Variants in ADGRV1 observed in about 807,000 individuals in gnomAD.
ADGRV1 encodes G-protein coupled receptor 98.
In ADGRV1, 359 loss-of-function variants were observed where a neutral mutation model predicts 596.2. That is an observed-to-expected ratio of 0.60 (90% confidence interval 0.55 to 0.66). The LOEUF (loss-of-function observed/expected upper bound fraction) is 0.66, where lower values mean the gene tolerates loss of function less well. Among genes scored for constraint, ADGRV1 ranks in the 30% least tolerant of loss-of-function variants. ADGRV1 has a pLI of 0.00. For missense variants in ADGRV1, 7,274 were observed against 7,575.6 expected (o/e 0.96, Z 1.48); for synonymous variants, 2,681 against 2,679.2 (o/e 1.00, Z -0.02).
At chr5:91,058,406 C>T (rs931726962) in intron 85 of ADGRV1, among the ~76,000 whole-genome samples, 2 of 151,824 alleles carry the variant, frequency 1.3e-5, no homozygotes, top group African/African-American at 4.8e-5. Flanking sequence ...ATCCAGAATG[C>T]AGGCTTTGAA....
intron 86 of ADGRV1, among the ~76,000 whole-genome samples, chr5:91,086,334 G>T (rs528580746): frequency 6.6e-6 from 1 of 152,260 alleles, no homozygotes; most frequent in South Asian, 2.1e-4. Flanking sequence ...AAGATGTACA[G>T]ATATTGTCAT....
In ADGRV1 at chr5:90,745,793, C is replaced by T. The variant is rs1754559510; in HGVS notation, c.10972C>T (p.Gln3658Ter). Residue 3658 changes from glutamine (Q) to a stop codon, truncating the protein, a stop_gained and splice_region_variant, in exon 52 of 90, where the codon CAG becomes TAG. Transcript: ENST00000405460. LOFTEE classifies it high-confidence loss of function. ...DDAYGIVAFAQNSLYKQVEEM... is the reference protein window; with the variant it reads ...DDAYGIVAFA ...TGCCTATGGAATTGTTGCATTTGCTCAGGTAATGATACTGAAGACCCCACA... is the reference window on the plus strand; with the variant it reads ...TGCCTATGGAATTGTTGCATTTGCTTAGGTAATGATACTGAAGACCCCACA... The T allele has an allele frequency of 1.3e-6, 2 of 1,571,026 alleles. No individual in the cohort carries two copies. The highest frequency in any genetic ancestry group is 1.3e-5 in the African/African-American group (1 of 74,264).
At chr5:90,853,095 T>G (rs1383550517) in intron 79 of ADGRV1, among the ~76,000 whole-genome samples, 189 bp from the exon 80 acceptor site, 1 of 152,226 alleles carries the variant, frequency 6.6e-6, no homozygotes, top group Non-Finnish European at 1.5e-5. Flanking sequence ...CAGAAAATTC[T>G]GTGCAAAAAA....
At chr5:91,001,996 T>C (rs766918616) in intron 85 of ADGRV1, among the ~76,000 whole-genome samples, 11 of 152,216 alleles carry the variant, frequency 7.2e-5, no homozygotes, top group Non-Finnish European at 1.2e-4. Context: ...AAATATGATA[T>C]TGTTTTTTCT....
At chr5:91,006,621 A>G (rs1405841630) in intron 85 of ADGRV1, among the ~76,000 whole-genome samples, 1 of 152,184 alleles carries the variant, frequency 6.6e-6, no homozygotes, top group Non-Finnish European at 1.5e-5. Context: ...ATACTCATAG[A>G]TGTTCTCACT....
intron 26 of ADGRV1, among the ~76,000 whole-genome samples, chr5:90,680,529 AG>A (rs1561513953): frequency 1.3e-5 from 2 of 152,152 alleles, no homozygotes; most frequent in Non-Finnish European, 2.9e-5. Flanking sequence ...ATATATGAAA[AG>A]CATACTTAGA....
chr5:90,602,812 T>C (rs539587857), intron 1 of ADGRV1, among the ~76,000 whole-genome samples: 4 of 152,240 alleles, frequency 2.6e-5, no homozygotes, highest in African/African-American at 9.7e-5. Flanking sequence ...GTTTTAGAAA[T>C]GATTAATAGA....
chr5:90,628,943 C>T (rs1410621831), intron 8 of ADGRV1, 111 bp downstream of exon 8: 40 of 998,858 alleles, frequency 4.0e-5, no homozygotes, highest in Non-Finnish European at 5.7e-5. Flanking sequence ...ACAGGAAAAA[C>T]ACTGGCTTTG....
chr5:90,663,716 G>C (rs1770797367), intron 21 of ADGRV1, among the ~76,000 whole-genome samples: 2 of 152,138 alleles, frequency 1.3e-5, no homozygotes, highest in Admixed American at 1.3e-4. Flanking sequence ...GTAATGCCTA[G>C]GTTTTCTTCA....
chr5:90,882,214 T>C (rs1014330994), intron 83 of ADGRV1, among the ~76,000 whole-genome samples: 60 of 152,356 alleles, frequency 3.9e-4, no homozygotes, highest in Non-Finnish European at 4.0e-4. Flanking sequence ...ACTATAATTA[T>C]TTTAAAAGAC....
At chr5:90,888,435 C>T (rs1310661431) in intron 83 of ADGRV1, among the ~76,000 whole-genome samples, 1 of 151,906 alleles carries the variant, frequency 6.6e-6, no homozygotes, top group Non-Finnish European at 1.5e-5. Flanking sequence ...AAATTGGTAA[C>T]TAAAATATAA....
chr5:90,743,279 T>G (rs536123697), intron 50 of ADGRV1, among the ~76,000 whole-genome samples: 1 of 152,288 alleles, frequency 6.6e-6, no homozygotes, highest in East Asian at 1.9e-4. Context: ...GCCTTAACTT[T>G]TTATGCAACG....
At chr5:90,560,613 GA>G (rs138955895) in intron 1 of ADGRV1, among the ~76,000 whole-genome samples, 6,270 of 152,140 alleles carry the variant, frequency 0.041, 374 homozygotes, top group African/African-American at 0.14. Flanking sequence ...CCTATAAACT[GA>G]AGTAATCTTG....
chr5:90,939,194 T>TA (rs1336162422), intron 83 of ADGRV1, among the ~76,000 whole-genome samples: 1 of 152,166 alleles, frequency 6.6e-6, no homozygotes, highest in Non-Finnish European at 1.5e-5. Flanking sequence ...ACCTCAAAGT[T>TA]ACATTTTAAA....
rs1277958766 is a variant in ADGRV1 at position 90,558,882 on chromosome 5, C to T, written c.-14C>T. On this transcript the variant is annotated 5_prime_UTR_variant, in exon 1 of 90. Transcript: ENST00000405460. ...GTGTGTGGAGGGCCGGCGGGGACCG[C>T]CGGGAGCGCGCGGATGTCGGTGTTC... is the stretch of plus-strand genomic sequence containing the variant. The T allele has an allele frequency of 1.3e-6, 2 of 1,559,644 alleles. No homozygotes were observed. The highest frequency in any genetic ancestry group is 1.7e-6 in the Non-Finnish European group (2 of 1,151,284).
intron 62 of ADGRV1, 54 bp from the exon 63 acceptor site, chr5:90,778,373 T>A: frequency 6.8e-7 from 1 of 1,473,972 alleles, no homozygotes; most frequent in Non-Finnish European, 9.4e-7. Flanking sequence ...AGGTTAGGAG[T>A]TTTTCTTGAA....
intron 85 of ADGRV1, among the ~76,000 whole-genome samples, chr5:91,015,762 G>A (rs1783123528): frequency 6.6e-6 from 1 of 151,926 alleles, no homozygotes; most frequent in Non-Finnish European, 1.5e-5. Context: ...TCTATTTTGA[G>A]CCAATGGGTG....
intron 85 of ADGRV1, among the ~76,000 whole-genome samples, chr5:91,061,122 C>A (rs1277054192): frequency 2.0e-5 from 3 of 152,100 alleles, no homozygotes; most frequent in South Asian, 4.1e-4. Context: ...CTTTTTGGAG[C>A]AAGAGGTAAG....
intron 34 of ADGRV1, among the ~76,000 whole-genome samples, chr5:90,702,667 ATGTT>A (rs1748056861): frequency 1.3e-5 from 2 of 152,004 alleles, no homozygotes; most frequent in Admixed American, 1.3e-4. Context: ...TTTTTAAAAA[ATGTT>A]TGAAGATATT....
Sources: gnomAD v4.1 joint callset for allele counts (sites outside exome capture counted in the v4.1 genomes callset) on GRCh38, gnomAD v4.1.1 for gene constraint, MANE v1.5 for transcripts, NCBI Gene and HGNC (gene_info 2026-07-23, HGNC 2026-07-21) for gene names.